The following SGTA variants were observed in gnomAD, a reference collection of about 807,000 sequenced individuals.
SGTA encodes the protein small glutamine rich tetratricopeptide repeat co-chaperone alpha, also known as small glutamine-rich tetratricopeptide repeat-containing protein alpha.
In SGTA, 22 loss-of-function variants were observed where a neutral mutation model predicts 44.3. That is an observed-to-expected ratio of 0.50 (90% confidence interval 0.36 to 0.71). The LOEUF (loss-of-function observed/expected upper bound fraction) is 0.71, where lower values mean the gene tolerates loss of function less well. Among genes scored for constraint, SGTA ranks in the 30% least tolerant of loss-of-function variants. The pLI, the probability that SGTA is intolerant of heterozygous loss-of-function variation, is 0.00. For missense variants in SGTA, 341 were observed against 435.9 expected, an observed-to-expected ratio of 0.78 and a Z score of 1.94; for synonymous variants, 174 against 177.6, an observed-to-expected ratio of 0.98 and a Z score of 0.16.
chr19:2,767,986 C>T lies in SGTA; in HGVS notation c.101-300G>A, dbSNP rs533835171. Among the ~76,000 whole-genome samples the T allele has an allele frequency of 1.3e-5, 2 of 152,140 alleles. No homozygotes were observed. The highest frequency in any genetic ancestry group is 2.4e-5 in the African/African-American group (1 of 41,428). On this transcript the variant is annotated intron_variant, in intron 2 of 11. Coordinates refer to ENST00000221566, the MANE Select transcript of SGTA (RefSeq NM_003021.4). This position sits in a 1 kb window ranked among gnomAD's most constrained non-coding sequence, Gnocchi z 7.3. ...TCCCAATGCTGGGGCTGCCCGGCTG[C>T]GGCGTGGTGGGGGCTTGGCCCCACC...
chr19:2,770,744 G>C (rs1915283915), intron 1 of SGTA: 1 of 153,048 alleles, frequency 6.5e-6, no homozygotes, highest in Non-Finnish European at 1.5e-5. Context: ...CGTGAAGACG[G>C]AGGCAGAGGC....
rs557813992 is a variant in SGTA at position 2,768,632 on chromosome 19, A to T, written c.100+337T>A. Among the ~76,000 whole-genome samples, 6 of 152,300 alleles carry T rather than the reference A, an allele frequency of 3.9e-5. No homozygotes were observed. In the South Asian group the frequency reaches 1.2e-3, roughly 32 times the overall value. ...GCACTAGGAGAGCTTTTTCCCCGTGACCGATGGTGACACACACACACTGGG... is the reference window on the plus strand; with the variant it reads ...GCACTAGGAGAGCTTTTTCCCCGTGTCCGATGGTGACACACACACACTGGG... On this transcript the variant is annotated intron_variant, in intron 2 of 11. Coordinates refer to ENST00000221566, the MANE Select transcript of SGTA (RefSeq NM_003021.4).
At chr19:2,775,703 G>A (rs1915430790) in intron 1 of SGTA, among the ~76,000 whole-genome samples, 1 of 152,166 alleles carries the variant, frequency 6.6e-6, no homozygotes, top group Non-Finnish European at 1.5e-5. Flanking sequence ...AGTGACAGCT[G>A]GTGGGGACCA....
rs754525221 is a variant in SGTA at position 2,759,303 on chromosome 19, C to T, written c.700-9G>A. 3 of 1,613,622 alleles carry T rather than the reference C, an allele frequency of 1.9e-6. No homozygotes were observed. The highest frequency in any genetic ancestry group is 2.5e-6 in the Non-Finnish European group (3 of 1,179,574). On this transcript the variant is annotated splice_polypyrimidine_tract_variant and intron_variant, in intron 8 of 11. Coordinates refer to ENST00000221566, the MANE Select transcript of SGTA (RefSeq NM_003021.4). Reference sequence around the variant, plus strand: ...TTCATTAGGTTCGAAGCCTGAAGAACAGAACAAATTTGTCAGGAAGACAAA... The same window carrying T: ...TTCATTAGGTTCGAAGCCTGAAGAATAGAACAAATTTGTCAGGAAGACAAA...
chr19:2,769,687 T>C (rs1000078349), intron 1 of SGTA, among the ~76,000 whole-genome samples: 3 of 152,136 alleles, frequency 2.0e-5, no homozygotes, highest in Admixed American at 2.0e-4. Context: ...CAGGGACTTC[T>C]TGGGGACCCG....
intron 1 of SGTA, chr19:2,770,450 C>G (rs984173775): frequency 6.6e-6 from 1 of 152,296 alleles, no homozygotes; most frequent in Non-Finnish European, 1.5e-5. Context: ...GCAGGCTGGC[C>G]GGCTGCCTTG....
Position 2,761,674 on chromosome 19 carries a change from A to G in SGTA, c.637-152T>C, listed in dbSNP as rs1473264136. 11 of 671,470 alleles carry G rather than the reference A, an allele frequency of 1.6e-5. No individual in the cohort carries two copies. In the East Asian group the frequency reaches 3.0e-4, roughly 18 times the overall value. 41.6% of individuals were successfully genotyped at this position (671,470 alleles called of 1,614,324 possible). A position where few individuals can be genotyped will look rare whatever the true frequency, so the allele number is the denominator to read the frequency against. On this transcript the variant is annotated intron_variant, in intron 7 of 11. Coordinates refer to ENST00000221566, the MANE Select transcript of SGTA (RefSeq NM_003021.4). The surrounding 1 kb of genome is among the most constrained non-coding windows in gnomAD (Gnocchi z 5.7). ...TGCTTTGAGGCAGGCAGCACGAAGC[A>G]CATCGCAACCGCCCGGGGACGGCAC...
Position 2,755,658 on chromosome 19 carries a change from C to T in SGTA, c.*282G>A, listed in dbSNP as rs1914802252. ...GAGCACCCCAGGATTCTAGAAAACACTCAAGTGACCGAGCTTTCTGGGGGC... is the reference window on the plus strand; with the variant it reads ...GAGCACCCCAGGATTCTAGAAAACATTCAAGTGACCGAGCTTTCTGGGGGC... On this transcript the variant is annotated 3_prime_UTR_variant, in exon 12 of 12. Transcript: ENST00000221566. This position sits in a 1 kb window ranked among gnomAD's most constrained non-coding sequence, Gnocchi z 5.2. 8 of 985,568 alleles carry T rather than the reference C, an allele frequency of 8.1e-6. No homozygotes were observed. Among genetic ancestry groups the T allele is most frequent in the Non-Finnish European group, 9.6e-6 (8 of 829,994 alleles). The allele number at this position is 985,568 out of a possible 1,614,324, so 61.1% of individuals were successfully genotyped here. A position where few individuals can be genotyped will look rare whatever the true frequency, so the allele number is the denominator to read the frequency against.
At position 2,763,811 on chromosome 19, in the gene SGTA, G is replaced by A. The variant is rs1568308999; in HGVS notation, c.393-54C>T. On this transcript the variant is annotated intron_variant, in intron 5 of 11. Transcript: ENST00000221566. The surrounding 1 kb of genome is among the most constrained non-coding windows in gnomAD (Gnocchi z 5.8). ...TCACTGGCGGCTCTGAGCCCAGCGG[G>A]CAGCCCTTGAGGGGAGCCTGAGAGC... 40 of 1,489,066 alleles carry A rather than the reference G, an allele frequency of 2.7e-5. 3 individuals are homozygous for A. In the South Asian group the frequency reaches 4.5e-4, roughly 17 times the overall value. 92.2% of individuals were successfully genotyped at this position (1,489,066 alleles called of 1,614,324 possible).
chr19:2,772,431 G>A (rs906443522), intron 1 of SGTA, among the ~76,000 whole-genome samples: 26 of 152,262 alleles, frequency 1.7e-4, no homozygotes, highest in African/African-American at 6.3e-4. Context: ...TTCTGAGCCA[G>A]CACAGTGCAA....
chr19:2,760,226 A>G (rs1372111830), intron 8 of SGTA, among the ~76,000 whole-genome samples: 1 of 152,084 alleles, frequency 6.6e-6, no homozygotes, highest in Non-Finnish European at 1.5e-5. Flanking sequence ...GTGTGCCAAT[A>G]AAACTTTATT....
chr19:2,768,041 C>T lies in SGTA; in HGVS notation c.101-355G>A, dbSNP rs950212501. On this transcript the variant is annotated intron_variant, in intron 2 of 11. Transcript: ENST00000221566. Reference sequence around the variant, plus strand: ...GGGCCACGTCAGGGGTGAGGTGCCCCGGATGCTGTTGCACCTCCAAGGGCG... The same window carrying T: ...GGGCCACGTCAGGGGTGAGGTGCCCTGGATGCTGTTGCACCTCCAAGGGCG... Among the ~76,000 whole-genome samples the T allele has an allele frequency of 5.9e-5, 9 of 152,248 alleles. No individual in the cohort carries two copies. The South Asian group carries it at 1.0e-3, about 18-fold the overall frequency.
chr19:2,777,275 G>A (rs536908184), intron 1 of SGTA, among the ~76,000 whole-genome samples: 1 of 151,100 alleles, frequency 6.6e-6, no homozygotes, highest in South Asian at 2.1e-4. Flanking sequence ...AAGACCAGGC[G>A]CAGTGGCTCA....
chr19:2,766,896 A>AG (rs1245097300), intron 4 of SGTA, among the ~76,000 whole-genome samples: 1 of 151,900 alleles, frequency 6.6e-6, no homozygotes, highest in Non-Finnish European at 1.5e-5. Flanking sequence ...AGTCTTCCAC[A>AG]GGGGCCGCTC....
chr19:2,759,325 C>G, intron 8 of SGTA, 31 bp from the exon 9 acceptor site: 1 of 1,606,968 alleles, frequency 6.2e-7, no homozygotes, highest in Non-Finnish European at 8.5e-7. Context: ...GTCAGGAAGA[C>G]AAAGCTCCCA....
chr19:2,761,551 G>A lies in SGTA; in HGVS notation c.637-29C>T, dbSNP rs369032944. On this transcript the variant is annotated intron_variant, in intron 7 of 11. Coordinates refer to ENST00000221566, the MANE Select transcript of SGTA (RefSeq NM_003021.4). This position sits in a 1 kb window ranked among gnomAD's most constrained non-coding sequence, Gnocchi z 5.7. The stretch of plus-strand genomic sequence containing the variant: ...AGGATGAGAACAGCCCTGGTTAGTG[G>A]GGCCTGGACCAGAGGCCACGGTGAA... 4 of 1,543,776 alleles carry A rather than the reference G, an allele frequency of 2.6e-6. No homozygotes were observed. Among genetic ancestry groups the A allele is most frequent in the Non-Finnish European group, 3.5e-6 (4 of 1,140,172 alleles).
chr19:2,769,617 C>T (rs972842593), intron 1 of SGTA, among the ~76,000 whole-genome samples: 8 of 152,200 alleles, frequency 5.3e-5, no homozygotes, highest in Non-Finnish European at 5.9e-5. Flanking sequence ...AGGTACCCAA[C>T]GGGGCCAGGT....
Position 2,765,287 on chromosome 19 carries a change from T to G in SGTA, c.293-2A>C. On this transcript the variant is annotated splice_acceptor_variant, in intron 4 of 11. Transcript: ENST00000221566. LOFTEE classifies it high-confidence loss of function. The surrounding 1 kb of genome is among the most constrained non-coding windows in gnomAD (Gnocchi z 5.5). ...TTTCCACTTTCATCTGCTCGTTTCCTACAGGGAGAGAGGAAAACACCGGCC... is the reference window on the plus strand; with the variant it reads ...TTTCCACTTTCATCTGCTCGTTTCCGACAGGGAGAGAGGAAAACACCGGCC... The G allele has an allele frequency of 6.2e-7, 1 of 1,606,064 alleles. No homozygotes were observed. Among genetic ancestry groups the G allele is most frequent in the Non-Finnish European group, 8.5e-7 (1 of 1,177,622 alleles).
At chr19:2,768,499 T>C (rs1012946659) in intron 2 of SGTA, among the ~76,000 whole-genome samples, 5 of 152,004 alleles carry the variant, frequency 3.3e-5, no homozygotes, top group Non-Finnish European at 7.4e-5. Context: ...GAGCCCCGGA[T>C]CCAGGTGTCG....
Sources: gnomAD v4.1 joint callset for allele counts (sites outside exome capture counted in the v4.1 genomes callset) on GRCh38, gnomAD v4.1.1 for gene constraint, Gnocchi (gnomAD v3.1) non-coding constraint, MANE v1.5 for transcripts, NCBI Gene and HGNC (gene_info 2026-07-23, HGNC 2026-07-21) for gene names.